NTN1: variants seen among roughly 807,000 people sequenced by gnomAD.
The protein encoded by NTN1 is netrin-1.
In NTN1, 11 loss-of-function variants were observed where a neutral mutation model predicts 54.2. The observed-to-expected ratio is 0.20, with a 90% CI of 0.13 to 0.34. The LOEUF (loss-of-function observed/expected upper bound fraction) is 0.34, where lower values mean the gene tolerates loss of function less well. Among genes scored for constraint, NTN1 ranks in the 10% least tolerant of loss-of-function variants. The pLI, the probability that NTN1 is intolerant of heterozygous loss-of-function variation, is 1.00. For missense variants in NTN1, 740 were observed against 893.1 expected (o/e 0.83, Z 2.18); for synonymous variants, 371 against 382.0 (o/e 0.97, Z 0.33).
At chr17:9,119,867 C>T (rs1696329588) in intron 2 of NTN1, among the ~76,000 whole-genome samples, 1 of 152,094 alleles carries the variant, frequency 6.6e-6, no homozygotes, top group Admixed American at 6.6e-5. Flanking sequence ...GTTTGCATTT[C>T]CCTGATGGCT....
At chr17:9,069,169 A>G (rs925591466) in intron 2 of NTN1, among the ~76,000 whole-genome samples, 1 of 152,076 alleles carries the variant, frequency 6.6e-6, no homozygotes, top group Non-Finnish European at 1.5e-5. Context: ...TCCCGTGGGG[A>G]TAAAAGCTGC....
intron 6 of NTN1, among the ~76,000 whole-genome samples, chr17:9,233,746 A>G (rs1268648372): frequency 1.3e-5 from 2 of 151,950 alleles, no homozygotes; most frequent in Admixed American, 1.3e-4. Flanking sequence ...GGGGAAGTTG[A>G]GGTACCCCAG....
chr17:9,236,665 G>A (rs889996306), intron 6 of NTN1, among the ~76,000 whole-genome samples: 1 of 152,204 alleles, frequency 6.6e-6, no homozygotes, highest in Admixed American at 6.5e-5. Context: ...AAGGACAAGG[G>A]CTGGTTGCTT....
intron 2 of NTN1, among the ~76,000 whole-genome samples, chr17:9,117,771 C>CAA (rs11414930): frequency 0.26 from 32,778 of 126,452 alleles, 4,635 homozygotes; most frequent in African/African-American, 0.39. Flanking sequence ...ACAAAAAAAC[C>CAA]AAAAAAAAAA....
chr17:9,206,583 G>A (rs897939842), intron 5 of NTN1, among the ~76,000 whole-genome samples: 1 of 152,120 alleles, frequency 6.6e-6, no homozygotes, highest in Non-Finnish European at 1.5e-5. Context: ...TGGGGGTCCC[G>A]GTGCACTAGG....
chr17:9,207,748 C>A (rs1423164739), intron 5 of NTN1, among the ~76,000 whole-genome samples: 2 of 152,158 alleles, frequency 1.3e-5, no homozygotes, highest in Non-Finnish European at 2.9e-5. Flanking sequence ...CAACTAACAC[C>A]CCACACCCCA....
chr17:9,225,781 A>G (rs974626705), intron 6 of NTN1, among the ~76,000 whole-genome samples: 1 of 152,070 alleles, frequency 6.6e-6, no homozygotes, highest in African/African-American at 2.4e-5. Context: ...TCTGACTGAC[A>G]CCCGGCAGGG....
Position 9,039,236 on chromosome 17 carries a change from A to G in NTN1, c.1018+15845A>G, listed in dbSNP as rs533666167. ...GCTATTCTTGCTTGCTTGTTTCTTT[A>G]TATATTTATTTATTGGCTTTAGATG... On this transcript the variant is annotated intron_variant, in intron 2 of 6. Coordinates refer to ENST00000173229, the MANE Select transcript of NTN1 (RefSeq NM_004822.3). Among the ~76,000 whole-genome samples the G allele has an allele frequency of 4.6e-5, 7 of 151,998 alleles. No homozygotes were observed. In the South Asian group the frequency reaches 1.5e-3, roughly 32 times the overall value.
intron 2 of NTN1, among the ~76,000 whole-genome samples, chr17:9,161,813 C>T (rs1161128921): frequency 6.6e-6 from 1 of 152,156 alleles, no homozygotes; most frequent in Non-Finnish European, 1.5e-5. Context: ...AATTGTGCTT[C>T]TGCTGATCAT....
chr17:9,171,069 AG>A, intron 3 of NTN1: 1 of 152,244 alleles, frequency 6.6e-6, no homozygotes, highest in Non-Finnish European at 1.5e-5. Context: ...GGGAAAGGAT[AG>A]GTTGTGCAAC....
chr17:9,122,296 A>G (rs2092234047), intron 2 of NTN1, among the ~76,000 whole-genome samples: 1 of 152,084 alleles, frequency 6.6e-6, no homozygotes, highest in African/African-American at 2.4e-5. Flanking sequence ...GGCCTCCCAA[A>G]GTGCTGGGAT....
chr17:9,114,166 A>AAATATATAT (rs1555569108), intron 2 of NTN1, among the ~76,000 whole-genome samples: 5 of 74,622 alleles, frequency 6.7e-5, no homozygotes, highest in African/African-American at 2.9e-4. Flanking sequence ...AAAAAAAAAA[A>AAATATATAT]ATATATATAT....
At chr17:9,210,396 TCACA>T (rs773827831) in intron 5 of NTN1, among the ~76,000 whole-genome samples, 4 of 150,706 alleles carry the variant, frequency 2.7e-5, no homozygotes, top group East Asian at 2.0e-4. Context: ...GGATGAAACC[TCACA>T]CACACAGGCA....
chr17:9,196,151 G>A (rs1041237864), intron 5 of NTN1, among the ~76,000 whole-genome samples: 2 of 152,168 alleles, frequency 1.3e-5, no homozygotes, highest in East Asian at 3.9e-4. Flanking sequence ...GCAGGGCCTG[G>A]GGTGCAGAGC....
intron 2 of NTN1, among the ~76,000 whole-genome samples, chr17:9,137,182 G>T (rs1395214130): frequency 6.6e-6 from 1 of 152,140 alleles, no homozygotes; most frequent in Non-Finnish European, 1.5e-5. Flanking sequence ...TTCATCCTAT[G>T]TTGTCAGTGC....
At chr17:9,107,156 A>G (rs2092170236) in intron 2 of NTN1, among the ~76,000 whole-genome samples, 1 of 152,238 alleles carries the variant, frequency 6.6e-6, no homozygotes, top group Non-Finnish European at 1.5e-5. Flanking sequence ...CAACTCTATG[A>G]TTCTGAGGCA....
intron 2 of NTN1, among the ~76,000 whole-genome samples, chr17:9,042,868 A>T (rs1266175672): frequency 6.6e-6 from 1 of 152,166 alleles, no homozygotes; most frequent in Non-Finnish European, 1.5e-5. Flanking sequence ...TAACCTTATA[A>T]AATGAAGTGG....
chr17:9,008,155 T>A, the NTN1 span, among the ~76,000 whole-genome samples: 26 of 152,200 alleles, frequency 1.7e-4, no homozygotes, highest in Admixed American at 3.3e-4. Flanking sequence ...AACAATACAT[T>A]ATTGATGCTC....
upstream of NTN1, among the ~76,000 whole-genome samples, chr17:9,018,580 C>T (rs1056255273): frequency 3.5e-5 from 5 of 143,904 alleles, no homozygotes; most frequent in Admixed American, 1.4e-4. Flanking sequence ...GTTGAGAATG[C>T]GCCATTGCAC....
Sources: gnomAD v4.1 joint callset for allele counts (sites outside exome capture counted in the v4.1 genomes callset) on GRCh38, gnomAD v4.1.1 for gene constraint, MANE v1.5 for transcripts, NCBI Gene and HGNC (gene_info 2026-07-23, HGNC 2026-07-21) for gene names.